The following PLCE1 variants were observed in gnomAD, a reference collection of about 807,000 sequenced individuals.
The protein encoded by PLCE1 is 1-phosphatidylinositol 4,5-bisphosphate phosphodiesterase epsilon-1.
Under a neutral mutation model 242.8 loss-of-function variants are expected in PLCE1, and 119 were observed. The observed-to-expected ratio is 0.49, with a 90% CI of 0.42 to 0.57. The LOEUF is 0.57. PLCE1 is among the 20% of genes least tolerant of loss of function. The pLI is 0.00. For synonymous variants in PLCE1, 945 were observed against 1,017.4 expected (o/e 0.93, Z 1.35); for missense variants, 2,441 against 2,788.8 (o/e 0.88, Z 2.81).
At chr10:94,172,481 T>A (rs2048014879) in intron 4 of PLCE1, among the ~76,000 whole-genome samples, 1 of 152,194 alleles carries the variant, frequency 6.6e-6, no homozygotes, top group Non-Finnish European at 1.5e-5. Context: ...ATATTCCTAT[T>A]CTGAGTCATA....
intron 3 of PLCE1, among the ~76,000 whole-genome samples, chr10:94,135,206 A>G (rs1287486113): frequency 2.6e-5 from 4 of 152,218 alleles, no homozygotes; most frequent in African/African-American, 9.6e-5. Flanking sequence ...CAATGTATAC[A>G]TATTACAAAA....
At chr10:94,296,379 A>AG (rs1164390651) in intron 23 of PLCE1, among the ~76,000 whole-genome samples, 3 of 151,978 alleles carry the variant, frequency 2.0e-5, no homozygotes, top group African/African-American at 7.3e-5. Context: ...AAAAAAAAAA[A>AG]AAAAAATTCT....
chr10:94,010,372 A>T (rs2061146175), intron 1 of PLCE1, among the ~76,000 whole-genome samples: 2 of 152,170 alleles, frequency 1.3e-5, no homozygotes, highest in Non-Finnish European at 2.9e-5. Context: ...GGCAGCTTGG[A>T]AGATCTGAAA....
At chr10:94,067,579 T>C (rs1338768459) in intron 2 of PLCE1, among the ~76,000 whole-genome samples, 1 of 152,076 alleles carries the variant, frequency 6.6e-6, no homozygotes. Context: ...TTTACAAAAG[T>C]GTGGCAGGAT....
intron 3 of PLCE1, among the ~76,000 whole-genome samples, chr10:94,146,850 A>G (rs537040359): frequency 1.3e-5 from 2 of 152,204 alleles, no homozygotes; most frequent in Non-Finnish European, 2.9e-5. Context: ...GTACCATACT[A>G]TATTTTCCCT....
intron 4 of PLCE1, among the ~76,000 whole-genome samples, chr10:94,212,045 A>G (rs1042188381): frequency 5.3e-5 from 8 of 152,202 alleles, no homozygotes; most frequent in Admixed American, 5.2e-4. Context: ...GCATATTAGC[A>G]TATTAAAGCC....
chr10:94,030,700 A>G lies in PLCE1; in HGVS notation c.-347A>G. On this transcript the variant is annotated 5_prime_UTR_variant, in exon 2 of 33. Coordinates refer to ENST00000371380, the MANE Select transcript of PLCE1 (RefSeq NM_016341.4). ...TCTTACAGGAAACAGGAATCATTCA[A>G]ACTGGATTTTAAAATCATTGCAAAT... 1 of 285,732 alleles carries G rather than the reference A, an allele frequency of 3.5e-6. No individual in the cohort carries two copies. Among genetic ancestry groups the G allele is most frequent in the Non-Finnish European group, 6.6e-6 (1 of 151,388 alleles). The allele number at this position is 285,732 out of a possible 1,614,324, so 17.7% of individuals were successfully genotyped here. A position where few individuals can be genotyped will look rare whatever the true frequency, so the allele number is the denominator to read the frequency against.
intron 8 of PLCE1, among the ~76,000 whole-genome samples, chr10:94,247,144 G>A (rs867649967): frequency 1.4e-5 from 2 of 147,670 alleles, no homozygotes; most frequent in Admixed American, 6.7e-5. Flanking sequence ...GTTAATATGT[G>A]TAAAGCCACA....
intron 1 of PLCE1, among the ~76,000 whole-genome samples, chr10:94,006,391 G>C (rs528562578): frequency 6.6e-6 from 1 of 152,212 alleles, no homozygotes; most frequent in Non-Finnish European, 1.5e-5. Context: ...TCCATGAAAG[G>C]TTTCTACTGT....
chr10:94,122,422 T>A (rs1054489011), intron 2 of PLCE1, among the ~76,000 whole-genome samples: 1 of 152,208 alleles, frequency 6.6e-6, no homozygotes, highest in African/African-American at 2.4e-5. Flanking sequence ...ATGATATGAT[T>A]CATCCATATG....
intron 3 of PLCE1, among the ~76,000 whole-genome samples, chr10:94,170,862 G>A (rs927080952): frequency 6.6e-6 from 1 of 152,114 alleles, no homozygotes; most frequent in African/African-American, 2.4e-5. Context: ...GGAGGATAAG[G>A]AAGCAAATGG....
At chr10:94,039,665 C>T (rs777990492) in intron 2 of PLCE1, among the ~76,000 whole-genome samples, 4 of 152,162 alleles carry the variant, frequency 2.6e-5, no homozygotes, top group Non-Finnish European at 5.9e-5. Flanking sequence ...GGATTACAGG[C>T]GTGAGCCACC....
At chr10:94,226,518 T>C (rs1435791600) in intron 4 of PLCE1, among the ~76,000 whole-genome samples, 1 of 152,140 alleles carries the variant, frequency 6.6e-6, no homozygotes, top group Non-Finnish European at 1.5e-5. Context: ...TATAAATATT[T>C]GTTCATAATA....
At chr10:94,234,691 G>A (rs2050258582) in intron 6 of PLCE1, among the ~76,000 whole-genome samples, 1 of 152,192 alleles carries the variant, frequency 6.6e-6, no homozygotes, top group African/African-American at 2.4e-5. Flanking sequence ...AGAAAAAAGA[G>A]GGGAAGTCAA....
intron 2 of PLCE1, among the ~76,000 whole-genome samples, chr10:94,121,977 A>G (rs1015251323): frequency 1.3e-5 from 2 of 152,186 alleles, no homozygotes; most frequent in African/African-American, 2.4e-5. Context: ...GGAAAAGATG[A>G]GCAGGAGTTC....
At chr10:94,162,094 C>T (rs1194761330) in intron 3 of PLCE1, among the ~76,000 whole-genome samples, 1 of 152,294 alleles carries the variant, frequency 6.6e-6, no homozygotes, top group Middle Eastern at 3.4e-3. Flanking sequence ...CAATGTTCAT[C>T]AGGGATATTG....
At chr10:94,026,471 C>A (rs2061454807) in intron 1 of PLCE1, among the ~76,000 whole-genome samples, 1 of 152,108 alleles carries the variant, frequency 6.6e-6, no homozygotes, top group South Asian at 2.1e-4. Context: ...CCATCTTTTT[C>A]TTCTTCAAAC....
intron 2 of PLCE1, among the ~76,000 whole-genome samples, chr10:94,035,672 G>T (rs1056320831): frequency 6.6e-6 from 1 of 152,086 alleles, no homozygotes; most frequent in African/African-American, 2.4e-5. Flanking sequence ...TAAAGGGGGG[G>T]CCCTTTCTGA....
chr10:94,218,948 ATAAT>A (rs1486549869), intron 4 of PLCE1, among the ~76,000 whole-genome samples: 2 of 147,488 alleles, frequency 1.4e-5, no homozygotes, highest in East Asian at 3.9e-4. Flanking sequence ...ATATTATTAT[ATAAT>A]TAAATATAAT....
Sources: gnomAD v4.1 joint callset for allele counts (sites outside exome capture counted in the v4.1 genomes callset) on GRCh38, gnomAD v4.1.1 for gene constraint, MANE v1.5 for transcripts, NCBI Gene and HGNC (gene_info 2026-07-23, HGNC 2026-07-21) for gene names.